Variants in CTNNBL1 observed in about 807,000 individuals in gnomAD.
The protein encoded by CTNNBL1 is beta-catenin-like protein 1.
CTNNBL1 carries 31 observed loss-of-function variants against 72.7 expected under a neutral mutation model. That is an observed-to-expected ratio of 0.43 (90% CI 0.32 to 0.58). CTNNBL1 has a LOEUF of 0.58. Ranked by LOEUF, CTNNBL1 falls within the 20% of genes least tolerant of loss-of-function variation. CTNNBL1 has a pLI of 0.08. For synonymous variants in CTNNBL1, 240 were observed against 267.3 expected, an observed-to-expected ratio of 0.90 and a Z score of 1.00; for missense variants, 534 against 725.1, an observed-to-expected ratio of 0.74 and a Z score of 3.03.
intron 1 of CTNNBL1, among the ~76,000 whole-genome samples, chr20:37,714,617 A>G (rs1028694353): frequency 6.6e-6 from 1 of 152,198 alleles, no homozygotes; most frequent in African/African-American, 2.4e-5. Flanking sequence ...CAGGAGATTG[A>G]TTGATTCATT....
chr20:37,782,071 A>G (rs913802045), intron 10 of CTNNBL1, among the ~76,000 whole-genome samples: 4 of 152,198 alleles, frequency 2.6e-5, no homozygotes, highest in Non-Finnish European at 4.4e-5. Flanking sequence ...ATTAAACTAT[A>G]TAAAGTATCT....
chr20:37,847,525 G>T (rs561986344), intron 13 of CTNNBL1, among the ~76,000 whole-genome samples: 1 of 152,100 alleles, frequency 6.6e-6, no homozygotes, highest in Non-Finnish European at 1.5e-5. Context: ...CTGACTCTCC[G>T]AACGACTTGA....
At chr20:37,833,103 G>A (rs1224399724) in intron 11 of CTNNBL1, among the ~76,000 whole-genome samples, 1 of 152,134 alleles carries the variant, frequency 6.6e-6, no homozygotes, top group Non-Finnish European at 1.5e-5. Flanking sequence ...GATTCCAGTG[G>A]CCCACAAAGG....
chr20:37,816,587 A>T (rs7344284), intron 11 of CTNNBL1, among the ~76,000 whole-genome samples: 11 of 152,304 alleles, frequency 7.2e-5, no homozygotes, highest in African/African-American at 2.6e-4. Context: ...CTATAAAATT[A>T]TGCACATATA....
chr20:37,723,216 A>G (rs574658845), intron 1 of CTNNBL1, among the ~76,000 whole-genome samples: 176 of 152,348 alleles, frequency 1.2e-3, no homozygotes, highest in Non-Finnish European at 2.2e-3. Flanking sequence ...AGGAATAATA[A>G]TTTTTTGGTA....
At chr20:37,798,173 C>G (rs1008931648) in intron 10 of CTNNBL1, among the ~76,000 whole-genome samples, 10 of 152,174 alleles carry the variant, frequency 6.6e-5, no homozygotes, top group African/African-American at 2.4e-4. Context: ...CTGGCACCTG[C>G]TAGGTACCTC....
At chr20:37,729,847 C>T (rs556913013) in intron 1 of CTNNBL1, among the ~76,000 whole-genome samples, 13 of 152,176 alleles carry the variant, frequency 8.5e-5, no homozygotes, top group East Asian at 1.9e-4. Context: ...TCTGTGGTTA[C>T]TGGCATGTTG....
chr20:37,759,180 G>A (rs1330083142), intron 5 of CTNNBL1, among the ~76,000 whole-genome samples: 1 of 152,166 alleles, frequency 6.6e-6, no homozygotes, highest in Non-Finnish European at 1.5e-5. Flanking sequence ...TTTATTTTTC[G>A]TTTGAACCAC....
chr20:37,715,470 A>G (rs1242091008), intron 1 of CTNNBL1, among the ~76,000 whole-genome samples: 1 of 152,272 alleles, frequency 6.6e-6, no homozygotes, highest in East Asian at 1.9e-4. Flanking sequence ...AGGAAGCTGT[A>G]GGAGGAATTC....
intron 11 of CTNNBL1, among the ~76,000 whole-genome samples, chr20:37,832,786 C>G (rs866726178): frequency 1.2e-5 from 1 of 80,012 alleles, no homozygotes; most frequent in South Asian, 5.8e-4. Flanking sequence ...GAATGTGGAC[C>G]ATACTTTTTT....
intron 2 of CTNNBL1, among the ~76,000 whole-genome samples, chr20:37,736,153 G>C (rs1019872970): frequency 1.1e-4 from 17 of 152,132 alleles, no homozygotes; most frequent in African/African-American, 4.1e-4. Context: ...CTAAATTCTT[G>C]ATGCTACTTC....
chr20:37,742,966 GT>G (rs1222167786), intron 3 of CTNNBL1, among the ~76,000 whole-genome samples: 2 of 151,962 alleles, frequency 1.3e-5, no homozygotes, highest in African/African-American at 4.8e-5. Flanking sequence ...ACCACACCTA[GT>G]TAATTTTTGT....
intron 11 of CTNNBL1, among the ~76,000 whole-genome samples, chr20:37,814,236 A>G (rs1229212334): frequency 6.6e-6 from 1 of 152,170 alleles, no homozygotes. Flanking sequence ...AAGGTTGCTA[A>G]CCTGTAGTGG....
intron 11 of CTNNBL1, among the ~76,000 whole-genome samples, chr20:37,824,891 CAGA>C (rs778983813): frequency 2.0e-5 from 3 of 152,198 alleles, no homozygotes; most frequent in Non-Finnish European, 4.4e-5. Flanking sequence ...GAAGGAAGGG[CAGA>C]AGGACACGTG....
intron 7 of CTNNBL1, among the ~76,000 whole-genome samples, chr20:37,776,108 T>A (rs1259487616): frequency 1.3e-5 from 2 of 152,226 alleles, no homozygotes; most frequent in Admixed American, 1.3e-4. Context: ...ACAGGTTGCA[T>A]TTAAGCCCTG....
chr20:37,848,370 G>A (rs2072364916), intron 13 of CTNNBL1, among the ~76,000 whole-genome samples: 1 of 151,986 alleles, frequency 6.6e-6, no homozygotes, highest in South Asian at 2.1e-4. Flanking sequence ...TGCCCAGGGT[G>A]TTCTCAAACT....
chr20:37,739,621 C>G (rs113476467), intron 3 of CTNNBL1, among the ~76,000 whole-genome samples: 3 of 152,238 alleles, frequency 2.0e-5, no homozygotes, highest in Non-Finnish European at 1.5e-5. Flanking sequence ...TTTAAATTCT[C>G]CCCCCAGCAG....
intron 11 of CTNNBL1, among the ~76,000 whole-genome samples, chr20:37,819,525 T>C (rs752156378): frequency 6.6e-6 from 1 of 152,232 alleles, no homozygotes; most frequent in Non-Finnish European, 1.5e-5. Context: ...AAAATACATA[T>C]GTAATTATTG....
intron 7 of CTNNBL1, among the ~76,000 whole-genome samples, chr20:37,768,369 T>C (rs2073490428): frequency 6.6e-6 from 1 of 152,206 alleles, no homozygotes; most frequent in Admixed American, 6.5e-5. Flanking sequence ...ATATCCATTC[T>C]CTCAGAAATT....
Sources: allele counts gnomAD v4.1 joint callset (sites outside exome capture counted in the v4.1 genomes callset), GRCh38; gene constraint gnomAD v4.1.1; transcripts MANE v1.5; gene names NCBI Gene and HGNC (gene_info 2026-07-23, HGNC 2026-07-21).